The following TDRD12 variants were observed in gnomAD, a reference collection of about 807,000 sequenced individuals.
TDRD12 encodes the protein putative ATP-dependent RNA helicase TDRD12.
TDRD12 carries 158 observed loss-of-function variants against 133.5 expected under a neutral mutation model. The observed-to-expected ratio is 1.18, with a 90% CI of 1.04 to 1.35. The LOEUF (loss-of-function observed/expected upper bound fraction) is 1.35, where lower values mean the gene tolerates loss of function less well. TDRD12 is among the 40% of genes most tolerant of loss of function. TDRD12 has a pLI of 0.00. For synonymous variants in TDRD12, 460 were observed against 477.9 expected, an observed-to-expected ratio of 0.96 and a Z score of 0.49; for missense variants, 1,443 against 1,321.3, an observed-to-expected ratio of 1.09 and a Z score of -1.43.
intron 6 of TDRD12, among the ~76,000 whole-genome samples, chr19:32,755,217 A>G (rs2145542684): frequency 6.6e-6 from 1 of 152,356 alleles, no homozygotes; most frequent in East Asian, 1.9e-4. Context: ...ATATTTATGT[A>G]CAAGTCTTCC....
At chr19:32,725,698 A>G (rs574280341) in intron 1 of TDRD12, among the ~76,000 whole-genome samples, 3 of 151,236 alleles carry the variant, frequency 2.0e-5, no homozygotes, top group African/African-American at 7.3e-5. Context: ...GGCTATATGG[A>G]CTCTTTTTTG....
intron 12 of TDRD12, 79 bp downstream of exon 12, chr19:32,790,670 C>G: frequency 6.4e-7 from 1 of 1,551,600 alleles, no homozygotes; most frequent in Non-Finnish European, 8.7e-7. Flanking sequence ...CTTCCTCCCT[C>G]CAGACTTGAG....
At chr19:32,755,949 C>T (rs940917249) in intron 6 of TDRD12, 43 bp from the exon 7 acceptor site, 2 of 1,332,676 alleles carry the variant, frequency 1.5e-6, no homozygotes, top group African/African-American at 1.6e-5. Context: ...AATCGCTTGA[C>T]TATATTTGTC....
intron 1 of TDRD12, among the ~76,000 whole-genome samples, chr19:32,729,273 A>G (rs934871602): frequency 1.8e-4 from 25 of 136,196 alleles, no homozygotes; most frequent in African/African-American, 6.4e-4. Context: ...GCTGGAGTGC[A>G]GTGGCGCAAT....
At chr19:32,720,082 C>T (rs1244732171) in exon 1 of TDRD12, 11 of 1,548,388 alleles carry the variant, frequency 7.1e-6, no homozygotes, top group Admixed American at 3.9e-5. Context: ...GATGCTCCAG[C>T]TCCTGGTGCT....
intron 21 of TDRD12, among the ~76,000 whole-genome samples, chr19:32,806,711 G>A (rs1971561172): frequency 6.6e-6 from 1 of 152,048 alleles, no homozygotes; most frequent in African/African-American, 2.4e-5. Context: ...AGGCTGGGGT[G>A]CAGTGGCACC....
chr19:32,822,563 C>T (rs971832941), downstream of TDRD12, among the ~76,000 whole-genome samples: 6 of 152,060 alleles, frequency 3.9e-5, no homozygotes, highest in African/African-American at 1.2e-4. Context: ...GTGGCTAACA[C>T]GGTGAAACCC....
intron 5 of TDRD12, 49 bp from the exon 6 acceptor site, chr19:32,749,735 A>G: frequency 2.9e-6 from 4 of 1,377,270 alleles, no homozygotes; most frequent in South Asian, 2.6e-5. Flanking sequence ...GATTGTTTCA[A>G]ATATACTTTT....
intron 2 of TDRD12, among the ~76,000 whole-genome samples, chr19:32,735,852 C>T (rs1021585192): frequency 5.3e-5 from 8 of 152,238 alleles, no homozygotes; most frequent in African/African-American, 1.7e-4. Context: ...CACCTGTAAT[C>T]CCAGCTACTG....
intron 10 of TDRD12, 69 bp downstream of exon 10, chr19:32,773,601 G>T: frequency 7.1e-7 from 1 of 1,407,446 alleles, no homozygotes; most frequent in East Asian, 2.5e-5. Context: ...GGGAGGCTGA[G>T]CTGGGGGGAT....
rs59421213 is a variant in TDRD12 at position 32,807,267 on chromosome 19, T to TAAAAAAAAAA, written c.2553-262_2553-253dup. Among the ~76,000 whole-genome samples the TAAAAAAAAAA allele has an allele frequency of 1.3e-3, 59 of 47,196 alleles. 3 individuals are homozygous for TAAAAAAAAAA. The highest frequency in any genetic ancestry group is 8.7e-3 in the East Asian group (10 of 1,144). The allele number at this position is 47,196 out of a possible 152,430, so 31.0% of individuals were successfully genotyped here. ...GGGCAACAGAGTGAGACCAAACTCT[T>TAAAAAAAAAA]AAAAAAAAAAAAAAAAAAAAAAAAA... is the stretch of plus-strand genomic sequence containing the variant. On this transcript the variant is annotated intron_variant, in intron 21 of 27. Transcript: ENST00000444215.
intron 11 of TDRD12, among the ~76,000 whole-genome samples, chr19:32,788,336 T>C (rs1426598370): frequency 6.6e-6 from 1 of 152,054 alleles, no homozygotes; most frequent in Admixed American, 6.6e-5. Flanking sequence ...GGTCTCAAAC[T>C]CCTGACCTCA....
At chr19:32,768,523 C>G (rs1970361397) in intron 8 of TDRD12, among the ~76,000 whole-genome samples, 1 of 151,772 alleles carries the variant, frequency 6.6e-6, no homozygotes, top group Admixed American at 6.6e-5. Flanking sequence ...CACCACCATG[C>G]CTGGCTAATT....
exon 28 of TDRD12, chr19:32,821,075 G>T: frequency 6.5e-7 from 1 of 1,535,970 alleles, no homozygotes; most frequent in Non-Finnish European, 8.7e-7. Flanking sequence ...AGAGCCCCCA[G>T]CCTGAGGACA....
intron 4 of TDRD12, among the ~76,000 whole-genome samples, chr19:32,745,177 A>G (rs1969564465): frequency 6.6e-6 from 1 of 152,302 alleles, no homozygotes; most frequent in South Asian, 2.1e-4. Context: ...CCCACCCTTC[A>G]GGCATGATTG....
intron 13 of TDRD12, among the ~76,000 whole-genome samples, chr19:32,793,117 C>T (rs766651410): frequency 2.0e-5 from 3 of 151,998 alleles, no homozygotes; most frequent in South Asian, 2.1e-4. Context: ...ACCTGGGAGG[C>T]GGAGGTTGCA....
exon 9 of TDRD12, chr19:32,826,515 C>A (rs56734203): frequency 0.11 from 134,198 of 1,250,172 alleles, 7,494 homozygotes; most frequent in Non-Finnish European, 0.12. Flanking sequence ...AGATGACTGC[C>A]AATGTGTGAT....
At chr19:32,741,332 T>C (rs1030591254) in intron 3 of TDRD12, among the ~76,000 whole-genome samples, 6 of 152,232 alleles carry the variant, frequency 3.9e-5, no homozygotes, top group African/African-American at 1.4e-4. Context: ...TCCACCCGCC[T>C]CGGCTTCCCA....
exon 18 of TDRD12, chr19:32,800,723 A>G: frequency 1.3e-6 from 2 of 1,535,826 alleles, no homozygotes; most frequent in Non-Finnish European, 1.7e-6. Flanking sequence ...CAGGCACAAA[A>G]GACCTTGATC....
Sources: allele counts gnomAD v4.1 joint callset (sites outside exome capture counted in the v4.1 genomes callset), GRCh38; gene constraint gnomAD v4.1.1; transcripts MANE v1.5; gene names NCBI Gene and HGNC (gene_info 2026-07-23, HGNC 2026-07-21).